The following TACC2 variants were observed in gnomAD, a reference collection of about 807,000 sequenced individuals.
The protein encoded by TACC2 is transforming acidic coiled-coil containing protein 2.
In TACC2, 137 loss-of-function variants were observed where a neutral mutation model predicts 227.3. That is an observed-to-expected ratio of 0.60 (90% CI 0.52 to 0.69). TACC2 has a LOEUF of 0.69. Ranked by LOEUF, TACC2 falls within the 30% of genes least tolerant of loss-of-function variation. The pLI, the probability that TACC2 is intolerant of heterozygous loss-of-function variation, is 0.00. For missense variants in TACC2, 3,470 were observed against 3,694.4 expected, an observed-to-expected ratio of 0.94 and a Z score of 1.57; for synonymous variants, 1,523 against 1,487.5, an observed-to-expected ratio of 1.02 and a Z score of -0.55.
intron 5 of TACC2, among the ~76,000 whole-genome samples, chr10:122,120,585 C>T (rs562876501): frequency 3.1e-4 from 47 of 152,206 alleles, no homozygotes; most frequent in Middle Eastern, 3.4e-3. Context: ...TAGGGTCCTT[C>T]GCTGAGAGAG....
chr10:122,140,762 T>C (rs1427492189), intron 6 of TACC2, among the ~76,000 whole-genome samples: 1 of 152,340 alleles, frequency 6.6e-6, no homozygotes, highest in Non-Finnish European at 1.5e-5. Flanking sequence ...ACTGGGGTTG[T>C]TGGTGAGGAG....
rs1278708034 is a variant in TACC2, at chr10:122,205,424, G to C, written c.5972-4973G>C. Reference sequence around the variant, plus strand: ...GGCACCAAAGGACAGCCTCTGCCTGGTACTTCTGCAGCACTGATGCCTCAC... The same window carrying C: ...GGCACCAAAGGACAGCCTCTGCCTGCTACTTCTGCAGCACTGATGCCTCAC... On this transcript the variant is annotated intron_variant, in intron 8 of 22. Transcript: ENST00000369005. The surrounding 1 kb of genome is among the most constrained non-coding windows in gnomAD (Gnocchi z 4.5). Among the ~76,000 whole-genome samples, 1 of 152,198 alleles carries C rather than the reference G, an allele frequency of 6.6e-6. No homozygotes were observed. Among genetic ancestry groups the C allele is most frequent in the Non-Finnish European group, 1.5e-5 (1 of 68,032 alleles).
At chr10:122,117,761 C>T (rs185567772) in intron 5 of TACC2, among the ~76,000 whole-genome samples, 8 of 152,148 alleles carry the variant, frequency 5.3e-5, no homozygotes, top group Admixed American at 5.2e-4. Context: ...AGCATTCTTG[C>T]ACTGAAGCTC....
At chr10:122,126,987 T>C (rs999938111) in intron 5 of TACC2, 5 of 152,614 alleles carry the variant, frequency 3.3e-5, no homozygotes, top group African/African-American at 1.2e-4. Flanking sequence ...TGAATGGGAT[T>C]AGTGCCCTTA....
At position 122,087,566 on chromosome 10, in the gene TACC2, C is replaced by A. The variant is rs376809823; in HGVS notation, c.5066C>A (p.Ala1689Glu). The A allele has an allele frequency of 6.2e-7, 1 of 1,613,764 alleles. No homozygotes were observed. The highest frequency in any genetic ancestry group is 8.5e-7 in the Non-Finnish European group (1 of 1,180,026). ...CCTGCACCACCAACTGGAGAAGTGG[C>A]AGACACTCCCCTGGAGCCTGGCAAG... ...STPAPPTGEVADTPLEPGKVA... is the reference protein window; with the variant it reads ...STPAPPTGEVEDTPLEPGKVA... The change falls in exon 4 of 23, where the codon GCA becomes GAA. Residue 1689 changes from alanine to glutamate, a missense_variant. By Grantham distance (107) the Ala-to-Glu change is moderately radical. Coordinates refer to ENST00000369005, the MANE Select transcript of TACC2 (RefSeq NM_206862.4).
chr10:122,233,240 A>G (rs1446896887), intron 16 of TACC2, among the ~76,000 whole-genome samples: 2 of 152,210 alleles, frequency 1.3e-5, no homozygotes, highest in East Asian at 1.9e-4. Flanking sequence ...GAACCTGACC[A>G]AGGTCACTGG....
chr10:122,143,085 G>A (rs1035849877), intron 6 of TACC2, among the ~76,000 whole-genome samples: 1 of 152,300 alleles, frequency 6.6e-6, no homozygotes, highest in African/African-American at 2.4e-5. Context: ...ACTGGTCCCG[G>A]GGCAGGTTCC....
chr10:122,105,344 T>C (rs752848028), intron 5 of TACC2, among the ~76,000 whole-genome samples: 29 of 152,082 alleles, frequency 1.9e-4, no homozygotes, highest in Admixed American at 3.9e-4. Context: ...TTTCCCAGGA[T>C]TGATAAGGGA....
At chr10:122,138,552 G>A (rs1347860900) in intron 6 of TACC2, among the ~76,000 whole-genome samples, 1 of 152,158 alleles carries the variant, frequency 6.6e-6, no homozygotes, top group African/African-American at 2.4e-5. Context: ...ATAAAGTGGA[G>A]GAATTATTTT....
chr10:121,992,439 G>A (rs974592971), intron 1 of TACC2, among the ~76,000 whole-genome samples: 1 of 152,154 alleles, frequency 6.6e-6, no homozygotes, highest in Non-Finnish European at 1.5e-5. Flanking sequence ...TTTGAGTGCA[G>A]AATTACACAA....
chr10:122,163,322 GC>G (rs894408696), intron 7 of TACC2: 3 of 152,234 alleles, frequency 2.0e-5, no homozygotes, highest in African/African-American at 7.2e-5. Flanking sequence ...ACAGGGCTGA[GC>G]CCCCTACTCT....
At position 122,219,030 on chromosome 10, in the gene TACC2, A is replaced by G. The variant is rs72840898; in HGVS notation, c.7546+2202A>G. On this transcript the variant is annotated intron_variant, in intron 11 of 22. Transcript: ENST00000369005. ...GTGAGACTCGTCTCAAAAAAAAAAA[A>G]AAAAAGAAAAGTGACCATCTTGCTC... 2.4e-3 allele frequency among the ~76,000 whole-genome samples: 344 copies of G among 143,884 alleles called. 4 individuals carry two copies. The highest frequency in any genetic ancestry group is 3.6e-3 in the Non-Finnish European group (236 of 65,944). 94.4% of individuals were successfully genotyped at this position (143,884 alleles called of 152,430 possible). A position where few individuals can be genotyped will look rare whatever the true frequency, so the allele number is the denominator to read the frequency against.
intron 7 of TACC2, among the ~76,000 whole-genome samples, chr10:122,167,980 G>C (rs2093275664): frequency 6.6e-6 from 1 of 151,524 alleles, no homozygotes; most frequent in Non-Finnish European, 1.5e-5. Flanking sequence ...TCCACCTTCC[G>C]GACTCAAGGG....
chr10:122,177,403 T>C lies in TACC2; in HGVS notation c.5835-17637T>C, dbSNP rs536886119. 4.5e-4 allele frequency among the ~76,000 whole-genome samples: 68 copies of C among 152,278 alleles called. 1 individual carries two copies. The South Asian group carries it at 0.014, about 31-fold the overall frequency. On this transcript the variant is annotated intron_variant, in intron 7 of 22. Transcript: ENST00000369005. ...TGTGCACAGGGCCTTTTAAAAATTA[T>C]AATGATGGGAGGATGGAGTTGCAGG...
intron 3 of TACC2, among the ~76,000 whole-genome samples, chr10:122,070,192 A>G (rs2077880817): frequency 6.6e-6 from 1 of 152,248 alleles, no homozygotes; most frequent in Non-Finnish European, 1.5e-5. Context: ...TATGCGTCAG[A>G]GAATGCCCCA....
intron 8 of TACC2, among the ~76,000 whole-genome samples, chr10:122,204,624 C>G (rs1390726922): frequency 1.3e-5 from 2 of 152,130 alleles, no homozygotes; most frequent in African/African-American, 4.8e-5. Flanking sequence ...TCGCTGGAGC[C>G]CAGGAGTTTG....
intron 22 of TACC2, among the ~76,000 whole-genome samples, chr10:122,250,662 G>A (rs2096236539): frequency 6.6e-6 from 1 of 152,108 alleles, no homozygotes; most frequent in South Asian, 2.1e-4. Flanking sequence ...TGGGGAAGGA[G>A]CCCTGGGGAG....
At chr10:122,116,516 ACTGT>A (rs2084729291) in intron 5 of TACC2, among the ~76,000 whole-genome samples, 1 of 152,124 alleles carries the variant, frequency 6.6e-6, no homozygotes, top group African/African-American at 2.4e-5. Context: ...GACGTTGTGA[ACTGT>A]CTGAGTCACC....
intron 7 of TACC2, among the ~76,000 whole-genome samples, chr10:122,186,434 C>T (rs566534226): frequency 6.6e-6 from 1 of 152,206 alleles, no homozygotes; most frequent in Non-Finnish European, 1.5e-5. Context: ...TTTGAGGTTA[C>T]AGTGAGCTGT....
Sources: gnomAD v4.1 joint callset for allele counts (sites outside exome capture counted in the v4.1 genomes callset) on GRCh38, gnomAD v4.1.1 for gene constraint, Gnocchi (gnomAD v3.1) non-coding constraint, MANE v1.5 for transcripts, NCBI Gene and HGNC (gene_info 2026-07-23, HGNC 2026-07-21) for gene names.